SLC39A7: variants seen among roughly 807,000 people sequenced by gnomAD.
The protein encoded by SLC39A7 is zinc transporter SLC39A7.
A neutral mutation model predicts 39.7 loss-of-function variants in SLC39A7; 25 were observed. The ratio of observed to expected loss-of-function variants is 0.63; its 90% CI spans 0.46 to 0.88. The LOEUF is 0.88. Ranked by LOEUF, SLC39A7 falls within the 40% of genes least tolerant of loss-of-function variation. The pLI, the probability that SLC39A7 is intolerant of heterozygous loss-of-function variation, is 0.00. For synonymous variants in SLC39A7, 181 were observed against 234.1 expected, an observed-to-expected ratio of 0.77 and a Z score of 2.07; for missense variants, 501 against 592.1, an observed-to-expected ratio of 0.85 and a Z score of 1.60.
chr6:33,201,515 TG>T lies in SLC39A7; in HGVS notation c.272del (p.Gly91AlafsTer54). The T allele has an allele frequency of 6.2e-7, 1 of 1,614,134 alleles. No individual in the cohort carries two copies. Among genetic ancestry groups the T allele is most frequent in the South Asian group, 1.1e-5 (1 of 91,088 alleles). The stretch of plus-strand genomic sequence containing the variant: ...GACATTCACATGAGGATTTACACCA[TG>T]GCCATAGCCATGGCTACTCCCATGA... ...HGHSHEDLHHGHSHGYSHESL... is the reference protein window; with the variant it reads ...HGHSHEDLHHXHSHGYSHESL... On this transcript the variant is annotated frameshift_variant, in exon 1 of 7. Coordinates refer to ENST00000374677, the MANE Select transcript of SLC39A7 (RefSeq NM_006979.3). LOFTEE classifies it high-confidence loss of function. This position sits in a 1 kb window ranked among gnomAD's most constrained non-coding sequence, Gnocchi z 5.9.
rs957742635 is a variant in SLC39A7 at position 33,203,868 on chromosome 6, G to A, written c.*55G>A. 16 of 1,576,260 alleles carry A rather than the reference G, an allele frequency of 1.0e-5. No homozygotes were observed. The African/African-American group carries it at 2.2e-4, about 21-fold the overall frequency. On this transcript the variant is annotated 3_prime_UTR_variant, in exon 7 of 7. Transcript: ENST00000374677. ...CTCTACCCCTAACTCCAGGTCAGGG[G>A]TGCGTAGAGGTTGGGGGCCCTGGCC...
At chr6:33,203,234 G>A (rs1774751691) in intron 6 of SLC39A7, 128 bp downstream of exon 6, 8 of 856,424 alleles carry the variant, frequency 9.3e-6, no homozygotes, top group East Asian at 2.5e-5. Context: ...TAGAAATGAG[G>A]GGGAAGAAGT....
chr6:33,201,668 G>A lies in SLC39A7; in HGVS notation c.411+12G>A, dbSNP rs373406074. On this transcript the variant is annotated intron_variant, in intron 1 of 6. Transcript: ENST00000374677. The surrounding 1 kb of genome is among the most constrained non-coding windows in gnomAD (Gnocchi z 5.9). Reference sequence around the variant, plus strand: ...CTCTCTGGGCTTATGTGAGTCTCCAGGGGATGGGAGAGAGAAGGGCTGGTT... The same window carrying A: ...CTCTCTGGGCTTATGTGAGTCTCCAAGGGATGGGAGAGAGAAGGGCTGGTT... 10 of 1,610,708 alleles carry A rather than the reference G, an allele frequency of 6.2e-6. No homozygotes were observed. Among genetic ancestry groups the A allele is most frequent in the Non-Finnish European group, 8.5e-6 (10 of 1,177,580 alleles).
In SLC39A7 at chr6:33,200,885, A is replaced by C; in HGVS notation, c.-361A>C. ...GAACTTCCTGTTCTCGCGGGATCTA[A>C]AGGCGGGACTGCCACGTCCAAGCAA... On this transcript the variant is annotated 5_prime_UTR_variant, in exon 1 of 7. Transcript: ENST00000374677. This position sits in a 1 kb window ranked among gnomAD's most constrained non-coding sequence, Gnocchi z 6.3. 7.1e-7 allele frequency: 1 copy of C among 1,399,152 alleles called. No individual in the cohort carries two copies. The highest frequency in any genetic ancestry group is 9.8e-7 in the Non-Finnish European group (1 of 1,021,706). The allele number at this position is 1,399,152 out of a possible 1,614,324, so 86.7% of individuals were successfully genotyped here. A position where few individuals can be genotyped will look rare whatever the true frequency, so the allele number is the denominator to read the frequency against.
chr6:33,201,160 A>AG lies in SLC39A7; in HGVS notation c.-83dup. The AG allele has an allele frequency of 7.6e-7, 1 of 1,310,844 alleles. No individual in the cohort carries two copies. The highest frequency in any genetic ancestry group is 1.4e-5 in the South Asian group (1 of 73,822). The allele number at this position is 1,310,844 out of a possible 1,614,324, so 81.2% of individuals were successfully genotyped here. ...GAGAGCGGCCCATAGAGGTGGACGG[A>AG]GGGCGCGATTGGAGTAAAGCGGACC... On this transcript the variant is annotated 5_prime_UTR_variant, in exon 1 of 7. It introduces an in-frame stop codon into an upstream open reading frame of the 5' UTR. Transcript: ENST00000374677. This position sits in a 1 kb window ranked among gnomAD's most constrained non-coding sequence, Gnocchi z 5.9.
chr6:33,201,655 A>C lies in SLC39A7; in HGVS notation c.410A>C (p.Tyr137Ser). The change falls in exon 1 of 7, where the codon TAT (tyrosine) becomes TCT (serine). Residue 137 changes from tyrosine to serine, a missense_variant and splice_region_variant. Transcript: ENST00000374677. This position sits in a 1 kb window ranked among gnomAD's most constrained non-coding sequence, Gnocchi z 5.9. ...CTGGATGCTGTCACTCTCTGGGCTT[A>C]TGTGAGTCTCCAGGGGATGGGAGAG... ...QDLDAVTLWA[Y>S]ALGATVLISA... 1 of 1,610,710 alleles carries C rather than the reference A, an allele frequency of 6.2e-7. No individual in the cohort carries two copies. Among genetic ancestry groups the C allele is most frequent in the Admixed American group, 1.7e-5 (1 of 59,932 alleles).
In SLC39A7 at chr6:33,203,556, C is replaced by G. The variant is rs781363867; in HGVS notation, c.1153C>G (p.Leu385Val). 3.1e-6 allele frequency: 5 copies of G among 1,614,128 alleles called. No individual in the cohort carries two copies. The highest frequency in any genetic ancestry group is 1.7e-5 in the Admixed American group (1 of 60,018). Residue 385 changes from leucine (L) to valine (V), a missense_variant, in exon 7 of 7, where the codon CTA (leucine) becomes GTA (valine). Physicochemically the swap from Leu to Val is conservative, Grantham distance 32 (BLOSUM62 1). Transcript: ENST00000374677. ...TGCCCATCAGGCGATGCGTCTGCAA[C>G]TACTGACAGCAGTAGGGGCACTGGC... Reference protein sequence around the residue: ...CSKKQAMRLQLLTAVGALAGT... With the variant: ...CSKKQAMRLQVLTAVGALAGT...
Position 33,202,689 on chromosome 6 carries a change from A to G in SLC39A7, c.929A>G (p.Lys310Arg), listed in dbSNP as rs1016376865. 6.3e-7 allele frequency: 1 copy of G among 1,593,688 alleles called. No homozygotes were observed. The highest frequency in any genetic ancestry group is 1.4e-5 in the African/African-American group (1 of 73,366). The stretch of plus-strand genomic sequence containing the variant: ...AGACCTCAGAACGCTGAAGAAGAAA[A>G]AAGAGGCTTAGGTAAGGGCCAGAGT... ...PVRPQNAEEE[K>R]RGLDLRVSGY... Residue 310 changes from lysine (K) to arginine (R), a missense_variant, in exon 5 of 7, where the codon AAA (lysine) becomes AGA (arginine). Coordinates refer to ENST00000374677, the MANE Select transcript of SLC39A7 (RefSeq NM_006979.3).
Position 33,202,933 on chromosome 6 carries a change from A to AT in SLC39A7, c.964_965insT (p.Asn322IlefsTer5), listed in dbSNP as rs1299073984. 1.2e-6 allele frequency: 2 copies of AT among 1,611,294 alleles called. No homozygotes were observed. The highest frequency in any genetic ancestry group is 2.7e-5 in the African/African-American group (2 of 74,740). ...AGACCTGCGTGTGTCGGGGTACCTG[A>AT]ATCTGGCTGCTGACTTGGCACACAA... On this transcript the variant is annotated frameshift_variant, in exon 6 of 7. Transcript: ENST00000374677. LOFTEE classifies it high-confidence loss of function.
chr6:33,200,943 G>C lies in SLC39A7; in HGVS notation c.-303G>C. ...AAGGAGAGGATCCCGGAGCCGGTGA[G>C]AATTCTCTGTTTTTTCTCTACCATC... On this transcript the variant is annotated 5_prime_UTR_variant, in exon 1 of 7. Transcript: ENST00000374677. The surrounding 1 kb of genome is among the most constrained non-coding windows in gnomAD (Gnocchi z 6.3). 1.0e-6 allele frequency: 1 copy of C among 966,774 alleles called. No homozygotes were observed. The highest frequency in any genetic ancestry group is 1.4e-5 in the South Asian group (1 of 71,916). 59.9% of individuals were successfully genotyped at this position (966,774 alleles called of 1,614,324 possible). A position where few individuals can be genotyped will look rare whatever the true frequency, so the allele number is the denominator to read the frequency against.
In SLC39A7 at chr6:33,203,855, C is replaced by G. The variant is rs377655534; in HGVS notation, c.*42C>G. On this transcript the variant is annotated 3_prime_UTR_variant, in exon 7 of 7. Transcript: ENST00000374677. ...CCCTGCCCCAAACCTCTACCCCTAA[C>G]TCCAGGTCAGGGGTGCGTAGAGGTT... 6.2e-7 allele frequency: 1 copy of G among 1,605,826 alleles called. No individual in the cohort carries two copies. The highest frequency in any genetic ancestry group is 8.5e-7 in the Non-Finnish European group (1 of 1,174,198).
Position 33,202,330 on chromosome 6 carries a change from G to T in SLC39A7, c.702G>T (p.Glu234Asp). ...LSGIVAFLVV[E>D]KFVRHVKGGH... ...GAATTGTTGCCTTTCTTGTCGTGGA[G>T]AAATTTGTGAGACATGTGAAAGGAG... Residue 234 changes from glutamate to aspartate, a missense_variant, in exon 4 of 7, where the codon GAG (glutamate) becomes GAT (aspartate). Transcript: ENST00000374677. The T allele has an allele frequency of 6.2e-7, 1 of 1,613,032 alleles. No individual in the cohort carries two copies. Among genetic ancestry groups the T allele is most frequent in the Non-Finnish European group, 8.5e-7 (1 of 1,180,032 alleles).
Position 33,201,885 on chromosome 6 carries a change from T to C in SLC39A7, c.552T>C (p.Ala184=). 6.2e-7 allele frequency: 1 copy of C among 1,612,914 alleles called. No individual in the cohort carries two copies. The highest frequency in any genetic ancestry group is 8.5e-7 in the Non-Finnish European group (1 of 1,179,980). Residue 184 remains alanine, a synonymous_variant, in exon 2 of 7, where the codon GCT becomes GCC. Coordinates refer to ENST00000374677, the MANE Select transcript of SLC39A7 (RefSeq NM_006979.3). This position sits in a 1 kb window ranked among gnomAD's most constrained non-coding sequence, Gnocchi z 5.9. ...SFASGGLLGD[A]FLHLIPHALE... ...CTTCCGGTGGGCTCCTGGGAGATGC[T>C]TTCCTGCACCTCATTCCTCATGCTC...
At position 33,201,686 on chromosome 6, in the gene SLC39A7, G is replaced by A. The variant is rs1289464430; in HGVS notation, c.411+30G>A. On this transcript the variant is annotated intron_variant, in intron 1 of 6. Coordinates refer to ENST00000374677, the MANE Select transcript of SLC39A7 (RefSeq NM_006979.3). The surrounding 1 kb of genome is among the most constrained non-coding windows in gnomAD (Gnocchi z 5.9). ...GTCTCCAGGGGATGGGAGAGAGAAGGGCTGGTTCTGGATTGTTGGGAAACT... is the reference window on the plus strand; with the variant it reads ...GTCTCCAGGGGATGGGAGAGAGAAGAGCTGGTTCTGGATTGTTGGGAAACT... 1 of 1,611,120 alleles carries A rather than the reference G, an allele frequency of 6.2e-7. No homozygotes were observed. Among genetic ancestry groups the A allele is most frequent in the Non-Finnish European group, 8.5e-7 (1 of 1,177,834 alleles).
chr6:33,202,916 G>A lies in SLC39A7; in HGVS notation c.947G>A (p.Arg316His), dbSNP rs377606297. 8.8e-5 allele frequency: 142 copies of A among 1,610,408 alleles called. No homozygotes were observed. The highest frequency in any genetic ancestry group is 2.6e-4 in the South Asian group (24 of 90,952). Residue 316 changes from arginine to histidine, a missense_variant, in exon 6 of 7, where the codon CGT becomes CAT. By Grantham distance (29) the Arg-to-His change is conservative. Transcript: ENST00000374677. Reference protein sequence around the residue: ...AEEEKRGLDLRVSGYLNLAAD... With the variant: ...AEEEKRGLDLHVSGYLNLAAD... ...TCTTCTTGTCCTGTACAAGACCTGC[G>A]TGTGTCGGGGTACCTGAATCTGGCT...
In SLC39A7 at chr6:33,200,948, C is replaced by A; in HGVS notation, c.-298C>A. 1 of 944,702 alleles carries A rather than the reference C, an allele frequency of 1.1e-6. No individual in the cohort carries two copies. Among genetic ancestry groups the A allele is most frequent in the Non-Finnish European group, 1.7e-6 (1 of 601,952 alleles). The allele number at this position is 944,702 out of a possible 1,614,324, so 58.5% of individuals were successfully genotyped here. ...GAGGATCCCGGAGCCGGTGAGAATT[C>A]TCTGTTTTTTCTCTACCATCCTTTC... is the stretch of plus-strand genomic sequence containing the variant. On this transcript the variant is annotated 5_prime_UTR_variant, in exon 1 of 7. Transcript: ENST00000374677. The surrounding 1 kb of genome is among the most constrained non-coding windows in gnomAD (Gnocchi z 6.3).
chr6:33,203,454 C>G, intron 6 of SLC39A7, 87 bp from the exon 7 acceptor site: 1 of 1,370,606 alleles, frequency 7.3e-7, no homozygotes, highest in East Asian at 2.3e-5. Flanking sequence ...ATCCATGTCC[C>G]CTATACCTAT....
chr6:33,202,870 T>C, intron 5 of SLC39A7, 40 bp from the exon 6 acceptor site: 1 of 1,591,042 alleles, frequency 6.3e-7, no homozygotes, highest in Non-Finnish European at 8.5e-7. Context: ...CAAGTGGTGA[T>C]GGAAGCCTCT....
chr6:33,204,307 T>G lies in SLC39A7; in HGVS notation c.*494T>G. ...CCTGATTTGGGAGTGATTGGGGGGA[T>G]GGGGTGGGAGAGGGTTAGTTGGTAT... On this transcript the variant is annotated 3_prime_UTR_variant, in exon 7 of 7. Coordinates refer to ENST00000374677, the MANE Select transcript of SLC39A7 (RefSeq NM_006979.3). The G allele has an allele frequency of 1.4e-5, 7 of 498,742 alleles. No homozygotes were observed. The highest frequency in any genetic ancestry group is 7.6e-5 in the East Asian group (2 of 26,254). The allele number at this position is 498,742 out of a possible 1,614,324, so 30.9% of individuals were successfully genotyped here. A position where few individuals can be genotyped will look rare whatever the true frequency, so the allele number is the denominator to read the frequency against.
Sources: gnomAD v4.1 joint callset for allele counts on GRCh38, gnomAD v4.1.1 for gene constraint, Gnocchi (gnomAD v3.1) non-coding constraint, MANE v1.5 for transcripts, NCBI Gene and HGNC (gene_info 2026-07-23, HGNC 2026-07-21) for gene names.